OTUD7A: variants seen among roughly 807,000 people sequenced by gnomAD.
OTUD7A encodes the protein OTU domain-containing protein 7A.
A neutral mutation model predicts 65.7 loss-of-function variants in OTUD7A; 12 were observed. The ratio of observed to expected loss-of-function variants is 0.18; its 90% CI spans 0.12 to 0.30. OTUD7A has a LOEUF of 0.30. Among genes scored for constraint, OTUD7A ranks in the 10% least tolerant of loss-of-function variants. OTUD7A has a pLI of 1.00. For synonymous variants in OTUD7A, 641 were observed against 586.3 expected, an observed-to-expected ratio of 1.09 and a Z score of -1.35; for missense variants, 1,148 against 1,304.8, an observed-to-expected ratio of 0.88 and a Z score of 1.85.
At chr15:31,854,062 A>T (rs1377042048) in intron 1 of OTUD7A, among the ~76,000 whole-genome samples, 1 of 152,208 alleles carries the variant, frequency 6.6e-6, no homozygotes, top group Admixed American at 6.5e-5. Context: ...AGCAATATAA[A>T]TTTATTTTCT....
At chr15:31,573,854 T>C (rs760515819) in intron 3 of OTUD7A, among the ~76,000 whole-genome samples, 4 of 152,130 alleles carry the variant, frequency 2.6e-5, no homozygotes, top group Non-Finnish European at 4.4e-5. Flanking sequence ...TGAGCTGAGA[T>C]TGCACCACTG....
intron 1 of OTUD7A, among the ~76,000 whole-genome samples, chr15:31,755,250 GT>G (rs1188722948): frequency 6.6e-6 from 1 of 152,068 alleles, no homozygotes; most frequent in African/African-American, 2.4e-5. Flanking sequence ...GGCATACATG[GT>G]TTTTTAGCCT....
intron 10 of OTUD7A, among the ~76,000 whole-genome samples, chr15:31,491,014 G>T (rs1327852025): frequency 6.6e-6 from 1 of 152,008 alleles, no homozygotes; most frequent in Non-Finnish European, 1.5e-5. Context: ...CCTAGCAAAA[G>T]GAAAGGCATG....
At chr15:31,809,900 C>T (rs1362065932) in intron 1 of OTUD7A, among the ~76,000 whole-genome samples, 2 of 152,342 alleles carry the variant, frequency 1.3e-5, no homozygotes, top group East Asian at 3.9e-4. Context: ...ATAACTATTT[C>T]TTAGTCCGTT....
chr15:31,505,047 T>A (rs568636853), intron 8 of OTUD7A, among the ~76,000 whole-genome samples: 18 of 152,294 alleles, frequency 1.2e-4, no homozygotes, highest in Admixed American at 4.6e-4. Context: ...AAGGCTATTT[T>A]TATATTTTTT....
intron 5 of OTUD7A, chr15:31,557,222 C>T (rs541722503): frequency 6.6e-6 from 1 of 152,376 alleles, no homozygotes; most frequent in African/African-American, 2.4e-5. Flanking sequence ...CTTGTGCCTT[C>T]CCTCTTGAAA....
intron 1 of OTUD7A, among the ~76,000 whole-genome samples, chr15:31,795,144 T>A (rs1895918936): frequency 6.6e-6 from 1 of 152,220 alleles, no homozygotes; most frequent in Admixed American, 6.5e-5. Flanking sequence ...CTCATTCGAA[T>A]CCTAGGATAA....
chr15:31,543,412 A>G (rs1017997086), intron 5 of OTUD7A, among the ~76,000 whole-genome samples: 1 of 151,914 alleles, frequency 6.6e-6, no homozygotes, highest in Non-Finnish European at 1.5e-5. Context: ...GAAAATGGCA[A>G]TTGCATTAAA....
intron 12 of OTUD7A, among the ~76,000 whole-genome samples, chr15:31,486,214 G>A (rs993070710): frequency 1.3e-5 from 2 of 152,196 alleles, no homozygotes; most frequent in African/African-American, 4.8e-5. Context: ...CCCCATGTGG[G>A]TGCTGAAGAA....
intron 1 of OTUD7A, among the ~76,000 whole-genome samples, chr15:31,753,724 T>TG (rs1328793510): frequency 1.1e-5 from 1 of 93,928 alleles, no homozygotes; most frequent in African/African-American, 5.2e-5. Context: ...ATATATATTA[T>TG]ATATATATAT....
chr15:31,487,782 T>A lies in OTUD7A; in HGVS notation c.1172-216A>T, dbSNP rs1472922009. ...GTGGAGAGCAGTTGGAAGCGTCACCTGGACCCTGGCTCTCTTTGGGTCTGT... is the reference window on the plus strand; with the variant it reads ...GTGGAGAGCAGTTGGAAGCGTCACCAGGACCCTGGCTCTCTTTGGGTCTGT... On this transcript the variant is annotated intron_variant, in intron 10 of 12. Transcript: ENST00000307050. This position sits in a 1 kb window ranked among gnomAD's most constrained non-coding sequence, Gnocchi z 6.0. Among the ~76,000 whole-genome samples, 1 of 152,262 alleles carries A rather than the reference T, an allele frequency of 6.6e-6. No homozygotes were observed. The highest frequency in any genetic ancestry group is 1.5e-5 in the Non-Finnish European group (1 of 68,048).
At chr15:31,686,351 C>G (rs1053918090) in intron 1 of OTUD7A, among the ~76,000 whole-genome samples, 3 of 152,226 alleles carry the variant, frequency 2.0e-5, no homozygotes, top group Non-Finnish European at 4.4e-5. Context: ...GACTAGAGAG[C>G]TCAGGTTTCC....
At chr15:31,716,867 T>C (rs558532234) in intron 1 of OTUD7A, among the ~76,000 whole-genome samples, 1 of 152,376 alleles carries the variant, frequency 6.6e-6, no homozygotes, top group East Asian at 1.9e-4. Context: ...ACAAAGCCTG[T>C]GGCCTGTGGG....
At chr15:31,822,543 G>A (rs1896708312) in intron 1 of OTUD7A, among the ~76,000 whole-genome samples, 1 of 152,172 alleles carries the variant, frequency 6.6e-6, no homozygotes, top group Non-Finnish European at 1.5e-5. Flanking sequence ...TCCCCAGCCT[G>A]CACCCCCAGC....
At chr15:31,582,439 T>G (rs1002047363) in intron 3 of OTUD7A, among the ~76,000 whole-genome samples, 3 of 152,230 alleles carry the variant, frequency 2.0e-5, no homozygotes, top group Admixed American at 6.5e-5. Flanking sequence ...TATTAGTCTG[T>G]TCTCATCCTG....
chr15:31,834,970 A>T (rs1897019762), intron 1 of OTUD7A, among the ~76,000 whole-genome samples: 1 of 152,236 alleles, frequency 6.6e-6, no homozygotes, highest in Non-Finnish European at 1.5e-5. Flanking sequence ...GACACAAACT[A>T]TTATGGGGAG....
chr15:31,832,658 T>A (rs975059978), intron 1 of OTUD7A, among the ~76,000 whole-genome samples: 1 of 152,198 alleles, frequency 6.6e-6, no homozygotes, highest in African/African-American at 2.4e-5. Context: ...CTCTATGAAT[T>A]TGACGACTCT....
intron 5 of OTUD7A, among the ~76,000 whole-genome samples, chr15:31,540,704 G>C (rs902248610): frequency 2.6e-5 from 4 of 152,180 alleles, no homozygotes; most frequent in Non-Finnish European, 5.9e-5. Context: ...CCAAAATCCT[G>C]AGTTAAATAA....
chr15:31,784,501 T>C (rs532316869), intron 1 of OTUD7A, among the ~76,000 whole-genome samples: 1 of 152,358 alleles, frequency 6.6e-6, no homozygotes, highest in Admixed American at 6.5e-5. Flanking sequence ...TAAAAGCTTA[T>C]CTATGTTTAC....
Sources: allele counts gnomAD v4.1 joint callset (sites outside exome capture counted in the v4.1 genomes callset), GRCh38; gene constraint gnomAD v4.1.1; non-coding constraint Gnocchi (gnomAD v3.1); transcripts MANE v1.5; gene names NCBI Gene and HGNC (gene_info 2026-07-23, HGNC 2026-07-21).